PRELID2: variants seen among roughly 807,000 people sequenced by gnomAD.
PRELID2 encodes the protein PRELI domain containing 2.
A neutral mutation model predicts 28.4 loss-of-function variants in PRELID2; 25 were observed. That is an observed-to-expected ratio of 0.88 (90% CI 0.64 to 1.23). The LOEUF (loss-of-function observed/expected upper bound fraction) is 1.23. Ranked by LOEUF, PRELID2 falls within the 50% of genes most tolerant of loss-of-function variation. The pLI is 0.00. For missense variants in PRELID2, 201 were observed against 214.4 expected (o/e 0.94, Z 0.39); for synonymous variants, 76 against 71.6 (o/e 1.06, Z -0.31).
intron 4 of PRELID2, among the ~76,000 whole-genome samples, chr5:145,803,671 A>G (rs992580952): frequency 2.6e-4 from 40 of 151,758 alleles, no homozygotes; most frequent in Non-Finnish European, 4.3e-4. Context: ...GTGAGTAAAC[A>G]GTACTAACAT....
chr5:145,291,337 G>GAAAAAAAAAAAAA, the PRELID2 span, among the ~76,000 whole-genome samples: 4 of 41,732 alleles, frequency 9.6e-5, no homozygotes, highest in African/African-American at 3.2e-4. Context: ...CTCTGTTTCA[G>GAAAAAAAAAAAAA]AAAAAAAAAA....
the PRELID2 span, among the ~76,000 whole-genome samples, chr5:145,387,586 T>C: frequency 1.1e-4 from 16 of 152,178 alleles, no homozygotes; most frequent in Non-Finnish European, 5.9e-5. Context: ...GTTTTACTTA[T>C]GATTGTACTT....
At chr5:145,325,380 G>A in the PRELID2 span, among the ~76,000 whole-genome samples, 1 of 152,126 alleles carries the variant, frequency 6.6e-6, no homozygotes, top group East Asian at 1.9e-4. Flanking sequence ...AACTATAAGA[G>A]GCATGAAAGA....
At chr5:145,644,917 G>T (rs1754171528) in intron 1 of PRELID2, among the ~76,000 whole-genome samples, 1 of 152,156 alleles carries the variant, frequency 6.6e-6, no homozygotes, top group Admixed American at 6.5e-5. Flanking sequence ...CATTTGCTGA[G>T]GAGTGCCTTA....
the PRELID2 span, among the ~76,000 whole-genome samples, chr5:145,366,484 G>A: frequency 6.6e-6 from 1 of 151,852 alleles, no homozygotes; most frequent in African/African-American, 2.4e-5. Context: ...AGTCCAGAAG[G>A]ATACAGGGTA....
chr5:145,331,456 G>A, the PRELID2 span, among the ~76,000 whole-genome samples: 1 of 152,118 alleles, frequency 6.6e-6, no homozygotes, highest in Admixed American at 6.5e-5. Flanking sequence ...GGGTGCTCCT[G>A]TATTGGGTGC....
At chr5:145,393,330 T>A in the PRELID2 span, among the ~76,000 whole-genome samples, 1 of 152,264 alleles carries the variant, frequency 6.6e-6, no homozygotes, top group Admixed American at 6.5e-5. Context: ...GTCCACTCTG[T>A]CAGGACAAGT....
At chr5:145,634,872 G>A (rs528523796) in intron 1 of PRELID2, among the ~76,000 whole-genome samples, 53 of 152,262 alleles carry the variant, frequency 3.5e-4, no homozygotes, top group African/African-American at 1.2e-3. Flanking sequence ...TTTTATTTGC[G>A]TATTCAAGGC....
At chr5:145,660,877 AC>A (rs1298281727) in intron 1 of PRELID2, among the ~76,000 whole-genome samples, 1 of 152,242 alleles carries the variant, frequency 6.6e-6, no homozygotes, top group Admixed American at 6.5e-5. Context: ...TTAATATATT[AC>A]CGCTTGAAGT....
chr5:145,685,890 G>A (rs1581057179), intron 1 of PRELID2, among the ~76,000 whole-genome samples: 1 of 152,140 alleles, frequency 6.6e-6, no homozygotes, highest in East Asian at 1.9e-4. Flanking sequence ...AGTTCTGTGA[G>A]GAATCTCCTC....
the PRELID2 span, among the ~76,000 whole-genome samples, chr5:145,403,508 C>T: frequency 6.6e-6 from 1 of 152,196 alleles, no homozygotes; most frequent in East Asian, 1.9e-4. Flanking sequence ...CCCATGCTGG[C>T]CCTATCCCTT....
chr5:145,415,604 A>C, the PRELID2 span, among the ~76,000 whole-genome samples: 1 of 150,972 alleles, frequency 6.6e-6, no homozygotes, highest in South Asian at 2.1e-4. Context: ...TACAAAGGAC[A>C]TGAACTCATC....
At chr5:145,761,528 T>C (rs1292218663) in intron 6 of PRELID2, among the ~76,000 whole-genome samples, 1 of 152,202 alleles carries the variant, frequency 6.6e-6, no homozygotes, top group East Asian at 1.9e-4. Flanking sequence ...TCAAACACTA[T>C]ATTTTGAAAG....
chr5:145,745,542 T>G (rs898958455), intron 1 of PRELID2, among the ~76,000 whole-genome samples: 1 of 152,126 alleles, frequency 6.6e-6, no homozygotes, highest in Non-Finnish European at 1.5e-5. Flanking sequence ...CAGAAGATAC[T>G]TGGGGCCAAT....
chr5:145,538,151 T>C (rs1025062467), intron 1 of PRELID2, among the ~76,000 whole-genome samples: 1 of 151,900 alleles, frequency 6.6e-6, no homozygotes, highest in Non-Finnish European at 1.5e-5. Context: ...TGCATATAAG[T>C]GAGTGAATTT....
chr5:145,537,800 C>T (rs911241329), intron 1 of PRELID2, among the ~76,000 whole-genome samples: 4 of 151,694 alleles, frequency 2.6e-5, no homozygotes, highest in Admixed American at 6.6e-5. Flanking sequence ...TCTCTTAATT[C>T]TGTTAATAGT....
the PRELID2 span, chr5:145,229,846 C>T: frequency 6.9e-5 from 52 of 758,380 alleles, no homozygotes; most frequent in African/African-American, 4.9e-4. Context: ...TCCCAGGAGC[C>T]GGCAGAAGGG....
intron 1 of PRELID2, among the ~76,000 whole-genome samples, chr5:145,540,689 G>GA (rs34388522): frequency 2.9e-3 from 285 of 98,334 alleles, no homozygotes; most frequent in South Asian, 0.012. Flanking sequence ...GTCAATGGCA[G>GA]AAAAAAAAAA....
intron 1 of PRELID2, among the ~76,000 whole-genome samples, chr5:145,697,080 T>TACATAC (rs1755294712): frequency 7.0e-5 from 6 of 85,946 alleles, no homozygotes; most frequent in African/African-American, 3.0e-4. Context: ...TATATATATA[T>TACATAC]ACACACACAC....
Sources: allele counts gnomAD v4.1 joint callset (sites outside exome capture counted in the v4.1 genomes callset), GRCh38; gene constraint gnomAD v4.1.1; transcripts MANE v1.5; gene names NCBI Gene and HGNC (gene_info 2026-07-23, HGNC 2026-07-21).